The following SESN3 variants were observed in gnomAD, a reference collection of about 807,000 sequenced individuals.
SESN3 encodes the protein sestrin-3.
Under a neutral mutation model 55.3 loss-of-function variants are expected in SESN3, and 21 were observed. That is an observed-to-expected ratio of 0.38 (90% CI 0.27 to 0.55). The LOEUF (loss-of-function observed/expected upper bound fraction) is 0.55. Among genes scored for constraint, SESN3 ranks in the 20% least tolerant of loss-of-function variants. The pLI is 0.76. For synonymous variants in SESN3, 181 were observed against 203.1 expected, an observed-to-expected ratio of 0.89 and a Z score of 0.93; for missense variants, 408 against 604.3, an observed-to-expected ratio of 0.68 and a Z score of 3.41.
chr11:95,224,335 A>G, intron 1 of SESN3: 1 of 349,108 alleles, frequency 2.9e-6, no homozygotes. Flanking sequence ...TTTTACCCAT[A>G]TATGATTCTG....
chr11:95,225,662 A>C (rs1379702498), intron 1 of SESN3, among the ~76,000 whole-genome samples: 1 of 152,228 alleles, frequency 6.6e-6, no homozygotes, highest in South Asian at 2.1e-4. Context: ...CAACTGAAAT[A>C]ATGTGAAAGC....
chr11:95,201,966 T>A (rs892303227), intron 1 of SESN3, among the ~76,000 whole-genome samples: 5 of 152,030 alleles, frequency 3.3e-5, no homozygotes, highest in African/African-American at 1.2e-4. Context: ...CCTTCCCTTT[T>A]TCTCTCTATT....
intron 1 of SESN3, among the ~76,000 whole-genome samples, chr11:95,214,945 CAATAA>C (rs1860724521): frequency 6.6e-6 from 1 of 152,044 alleles, no homozygotes; most frequent in African/African-American, 2.4e-5. Context: ...AATGTAGCAA[CAATAA>C]AATAAGACAT....
chr11:95,230,526 G>A lies in SESN3; in HGVS notation c.78+257C>T. The A allele has an allele frequency of 2.1e-6, 1 of 475,850 alleles. No individual in the cohort carries two copies. Among genetic ancestry groups the A allele is most frequent in the South Asian group, 2.4e-5 (1 of 42,308 alleles). The allele number at this position is 475,850 out of a possible 1,614,324, so 29.5% of individuals were successfully genotyped here. A position where few individuals can be genotyped will look rare whatever the true frequency, so the allele number is the denominator to read the frequency against. On this transcript the variant is annotated intron_variant, in intron 1 of 9. Coordinates refer to ENST00000536441, the MANE Select transcript of SESN3 (RefSeq NM_144665.4). This position sits in a 1 kb window ranked among gnomAD's most constrained non-coding sequence, Gnocchi z 4.6. ...GAAATGAGCCGTAAAGGAGAGCAAA[G>A]GCACCAAATAAAAGGAACAAGGGAA...
intron 1 of SESN3, among the ~76,000 whole-genome samples, chr11:95,195,149 C>T (rs991386001): frequency 1.3e-5 from 2 of 151,882 alleles, no homozygotes; most frequent in African/African-American, 4.8e-5. Flanking sequence ...AAAATATAAA[C>T]TCACGTTAAG....
chr11:95,206,747 A>G (rs80344917), intron 1 of SESN3, among the ~76,000 whole-genome samples: 1 of 152,042 alleles, frequency 6.6e-6, no homozygotes, highest in Non-Finnish European at 1.5e-5. Flanking sequence ...TACTAAATCA[A>G]TAGTTTTTCA....
chr11:95,190,103 T>C, intron 3 of SESN3, 142 bp from the exon 4 acceptor site: 1 of 608,358 alleles, frequency 1.6e-6, no homozygotes, highest in Non-Finnish European at 2.7e-6. Context: ...TTCTAAAACA[T>C]CCATCATAAT....
chr11:95,215,229 C>T (rs1860729727), intron 1 of SESN3, among the ~76,000 whole-genome samples: 1 of 136,148 alleles, frequency 7.3e-6, no homozygotes, highest in Non-Finnish European at 1.5e-5. Flanking sequence ...GTCCCATCCC[C>T]AGAATTTCAA....
intron 8 of SESN3, 61 bp from the exon 9 acceptor site, chr11:95,175,703 T>A: frequency 7.4e-7 from 1 of 1,359,488 alleles, no homozygotes; most frequent in Non-Finnish European, 1.0e-6. Context: ...TTTCCAAAGT[T>A]ATACTAAGGA....
intron 1 of SESN3, among the ~76,000 whole-genome samples, chr11:95,218,413 C>T (rs1208037434): frequency 6.6e-6 from 1 of 152,202 alleles, no homozygotes; most frequent in Non-Finnish European, 1.5e-5. Context: ...CAGTGCCTAA[C>T]AGGTGAGAGC....
chr11:95,187,414 T>G (rs1466874123), intron 4 of SESN3, among the ~76,000 whole-genome samples: 4 of 152,040 alleles, frequency 2.6e-5, no homozygotes, highest in Middle Eastern at 3.4e-3. Flanking sequence ...ATTTCTACTT[T>G]TAAAAATTCA....
At chr11:95,189,576 C>T (rs1315136217) in intron 4 of SESN3, among the ~76,000 whole-genome samples, 1 of 151,798 alleles carries the variant, frequency 6.6e-6, no homozygotes, top group Admixed American at 6.6e-5. Flanking sequence ...TTTCTCATAG[C>T]CATTCACCAA....
At position 95,221,240 on chromosome 11, in the gene SESN3, G is replaced by T. The variant is rs755876551; in HGVS notation, c.78+9543C>A. ...AATCGCTTGAACCCGGGAGGCGGTGGTTTCACTGAGCCAAGATGGCGCCAC... is the reference window on the plus strand; with the variant it reads ...AATCGCTTGAACCCGGGAGGCGGTGTTTTCACTGAGCCAAGATGGCGCCAC... On this transcript the variant is annotated intron_variant, in intron 1 of 9. Transcript: ENST00000536441. Among the ~76,000 whole-genome samples the T allele has an allele frequency of 8.7e-4, 133 of 152,022 alleles. 2 individuals carry two copies. Among genetic ancestry groups the T allele is most frequent in the Admixed American group, 4.0e-3 (61 of 15,262 alleles).
At position 95,231,079 on chromosome 11, in the gene SESN3, G is replaced by A. The variant is rs1014067763; in HGVS notation, c.-219C>T. ...CCCCAGCGACGGCGGAGACGGCGGCGGCTGCTCCTCACCGGCCCGTTGTTC... is the reference window on the plus strand; with the variant it reads ...CCCCAGCGACGGCGGAGACGGCGGCAGCTGCTCCTCACCGGCCCGTTGTTC... On this transcript the variant is annotated 5_prime_UTR_variant, in exon 1 of 10. Coordinates refer to ENST00000536441, the MANE Select transcript of SESN3 (RefSeq NM_144665.4). The A allele has an allele frequency of 9.4e-5, 39 of 416,480 alleles. No individual in the cohort carries two copies. In the East Asian group the frequency reaches 1.4e-3, roughly 15 times the overall value. 25.8% of individuals were successfully genotyped at this position (416,480 alleles called of 1,614,324 possible). A position where few individuals can be genotyped will look rare whatever the true frequency, so the allele number is the denominator to read the frequency against.
chr11:95,225,536 A>G (rs1860933014), intron 1 of SESN3, among the ~76,000 whole-genome samples: 1 of 152,184 alleles, frequency 6.6e-6, no homozygotes, highest in South Asian at 2.1e-4. Flanking sequence ...TCAATATTGC[A>G]GAGGACAATT....
chr11:95,178,984 G>GT (rs1394785027), intron 6 of SESN3, among the ~76,000 whole-genome samples, 156 bp from the exon 7 acceptor site: 1 of 152,232 alleles, frequency 6.6e-6, no homozygotes, highest in East Asian at 1.9e-4. Context: ...TACTGCTAAA[G>GT]TTTTAAATAT....
intron 4 of SESN3, among the ~76,000 whole-genome samples, chr11:95,186,284 C>A (rs550772946): frequency 1.4e-5 from 2 of 147,696 alleles, no homozygotes; most frequent in Non-Finnish European, 3.0e-5. Flanking sequence ...TTCCCTCCTT[C>A]CAAATCTAAA....
At chr11:95,224,349 A>C (rs1860911461) in intron 1 of SESN3, 1 of 360,610 alleles carries the variant, frequency 2.8e-6, no homozygotes, top group Admixed American at 4.2e-5. Flanking sequence ...GATTCTGATA[A>C]ACATTTCCTC....
intron 1 of SESN3, among the ~76,000 whole-genome samples, chr11:95,225,052 C>T (rs1179693877): frequency 2.0e-5 from 3 of 152,168 alleles, no homozygotes; most frequent in Non-Finnish European, 4.4e-5. Flanking sequence ...TAAATTTTCA[C>T]TGCTTCTTCA....
Sources: gnomAD v4.1 joint callset for allele counts (sites outside exome capture counted in the v4.1 genomes callset) on GRCh38, gnomAD v4.1.1 for gene constraint, Gnocchi (gnomAD v3.1) non-coding constraint, MANE v1.5 for transcripts, NCBI Gene and HGNC (gene_info 2026-07-23, HGNC 2026-07-21) for gene names.